The following NTM variants were observed in gnomAD, a reference collection of about 807,000 sequenced individuals.
The protein encoded by NTM is neurotrimin.
In NTM, 13 loss-of-function variants were observed where a neutral mutation model predicts 42.1. The observed-to-expected ratio is 0.31, with a 90% confidence interval of 0.20 to 0.49. The LOEUF (loss-of-function observed/expected upper bound fraction) is 0.49, where lower values mean the gene tolerates loss of function less well. Among genes scored for constraint, NTM ranks in the 20% least tolerant of loss-of-function variants. NTM has a pLI of 0.99. For missense variants in NTM, 373 were observed against 452.8 expected (o/e 0.82, Z 1.60); for synonymous variants, 187 against 179.2 (o/e 1.04, Z -0.35).
At chr11:132,168,815 G>A (rs973698366) in intron 3 of NTM, among the ~76,000 whole-genome samples, 25 of 152,082 alleles carry the variant, frequency 1.6e-4, no homozygotes, top group African/African-American at 4.8e-4. Flanking sequence ...GGAGGAGCCC[G>A]GAGTTGAGAA....
rs114091123 is a variant in NTM at position 131,966,165 on chromosome 11, G to A, written c.167+54517G>A. Among the ~76,000 whole-genome samples, 963 of 152,286 alleles carry A rather than the reference G, an allele frequency of 6.3e-3. 9 individuals carry two copies. Among genetic ancestry groups the A allele is most frequent in the African/African-American group, 0.022 (929 of 41,560 alleles). ...ATTCACTCTAGCCAGAGTCTAGTTG[G>A]AAGAAAATAGTGGGAGATGAGTTTG... On this transcript the variant is annotated intron_variant, in intron 2 of 8. Transcript: ENST00000683400.
chr11:131,547,733 C>T (rs1359912422), intron 1 of NTM, among the ~76,000 whole-genome samples: 1 of 152,160 alleles, frequency 6.6e-6, no homozygotes, highest in Non-Finnish European at 1.5e-5. Context: ...CTATACTATA[C>T]ACCCTCTCAA....
intron 1 of NTM, among the ~76,000 whole-genome samples, chr11:131,871,533 A>G (rs550433503): frequency 7.2e-5 from 11 of 152,356 alleles, no homozygotes; most frequent in African/African-American, 2.4e-4. Context: ...AACTATAGCT[A>G]TTAGCGATCA....
intron 4 of NTM, among the ~76,000 whole-genome samples, chr11:132,272,538 C>T (rs533948045): frequency 3.9e-5 from 6 of 152,228 alleles, no homozygotes; most frequent in Middle Eastern, 3.4e-3. Flanking sequence ...TTTAGATCTT[C>T]TTTAATGACA....
At position 131,873,588 on chromosome 11, in the gene NTM, GTATATATATACA is replaced by G. The variant is rs1394124344; in HGVS notation, c.83-37964_83-37953del. Among the ~76,000 whole-genome samples the G allele has an allele frequency of 5.6e-5, 2 of 35,572 alleles. 1 individual carries two copies. The highest frequency in any genetic ancestry group is 1.5e-4 in the African/African-American group (2 of 13,620). 23.3% of individuals were successfully genotyped at this position (35,572 alleles called of 152,430 possible). ...GTATATATATACATATATATATACCGTATATATATACATATATATATACCGTATATATATACA... is the reference window on the plus strand; with the variant it reads ...GTATATATATACATATATATATACCGTATATATATACCGTATATATATACA... On this transcript the variant is annotated intron_variant, in intron 1 of 8. Transcript: ENST00000683400.
At chr11:132,073,391 G>A (rs570472875) in intron 2 of NTM, among the ~76,000 whole-genome samples, 1 of 152,298 alleles carries the variant, frequency 6.6e-6, no homozygotes, top group South Asian at 2.1e-4. Flanking sequence ...ATTTGGTGGT[G>A]TAAATGTCCC....
rs117241943 is a variant in NTM at position 132,025,696 on chromosome 11, C to T, written c.167+114048C>T. On this transcript the variant is annotated intron_variant, in intron 2 of 8. Coordinates refer to ENST00000683400, the MANE Select transcript of NTM (RefSeq NM_001352005.2). ...TGGGTCCATAGCCACAGATTCAGAC[C>T]GAATTGGCCGGGGGTGTGGCCTGAG... 4.5e-3 allele frequency among the ~76,000 whole-genome samples: 689 copies of T among 152,190 alleles called. 2 individuals are homozygous for T. Among genetic ancestry groups the T allele is most frequent in the Non-Finnish European group, 7.8e-3 (528 of 68,020 alleles).
intron 1 of NTM, chr11:131,535,582 C>T (rs1029595092): frequency 3.3e-5 from 5 of 152,202 alleles, no homozygotes; most frequent in Non-Finnish European, 5.9e-5. Context: ...CTGTCCCCTC[C>T]CATTCCAGGT....
At chr11:132,266,210 C>T (rs2093173879) in intron 4 of NTM, among the ~76,000 whole-genome samples, 1 of 152,160 alleles carries the variant, frequency 6.6e-6, no homozygotes, top group African/African-American at 2.4e-5. Flanking sequence ...GGATTGATCA[C>T]TCCTGGTTGA....
At chr11:132,278,979 C>A (rs1047979050) in intron 4 of NTM, among the ~76,000 whole-genome samples, 1 of 152,152 alleles carries the variant, frequency 6.6e-6, no homozygotes, top group Non-Finnish European at 1.5e-5. Flanking sequence ...CAAATATCCA[C>A]AAGACGTCCC....
intron 1 of NTM, among the ~76,000 whole-genome samples, chr11:131,828,389 T>A (rs983400647): frequency 6.6e-6 from 1 of 151,908 alleles, no homozygotes; most frequent in Non-Finnish European, 1.5e-5. Context: ...ATCACCACCA[T>A]CACTCATCAT....
At chr11:131,487,416 C>T (rs1954293734) in intron 1 of NTM, among the ~76,000 whole-genome samples, 1 of 152,154 alleles carries the variant, frequency 6.6e-6, no homozygotes, top group African/African-American at 2.4e-5. Context: ...GAAATTATGA[C>T]TCAGATAAGC....
intron 2 of NTM, among the ~76,000 whole-genome samples, chr11:132,132,759 G>A (rs558933267): frequency 1.5e-4 from 23 of 152,146 alleles, no homozygotes; most frequent in African/African-American, 4.3e-4. Context: ...CAGGCTTGTC[G>A]CAACACAATG....
chr11:131,443,618 C>T (rs930989349), intron 1 of NTM, among the ~76,000 whole-genome samples: 2 of 152,086 alleles, frequency 1.3e-5, no homozygotes, highest in African/African-American at 2.4e-5. Flanking sequence ...ATCTCCATGC[C>T]CTGTGTTATT....
At chr11:131,764,105 CATTAAT>C (rs1304796328) in intron 1 of NTM, among the ~76,000 whole-genome samples, 2 of 151,942 alleles carry the variant, frequency 1.3e-5, no homozygotes, top group African/African-American at 2.4e-5. Context: ...TAAATAATAG[CATTAAT>C]ATTAATATTA....
intron 1 of NTM, among the ~76,000 whole-genome samples, chr11:131,843,840 T>C (rs954219312): frequency 3.3e-5 from 5 of 152,214 alleles, no homozygotes; most frequent in Admixed American, 6.5e-5. Flanking sequence ...TGCCTAGTTT[T>C]CCTACCAAGT....
At chr11:131,609,139 C>G (rs375502480) in intron 1 of NTM, among the ~76,000 whole-genome samples, 1 of 152,180 alleles carries the variant, frequency 6.6e-6, no homozygotes, top group Non-Finnish European at 1.5e-5. Context: ...CTGAGCTGGG[C>G]GAAGGCGTGG....
rs1050161524 is a variant in NTM, at chr11:132,115,499, G to A, written c.168-30783G>A. On this transcript the variant is annotated intron_variant, in intron 2 of 8. Coordinates refer to ENST00000683400, the MANE Select transcript of NTM (RefSeq NM_001352005.2). ...AAAGAAATACAATAAGATTAGGGCC[G>A]AAAACAAAGGAAAGGTAGACATAGG... is the stretch of plus-strand genomic sequence containing the variant. Among the ~76,000 whole-genome samples, 11 of 152,152 alleles carry A rather than the reference G, an allele frequency of 7.2e-5. 1 individual carries two copies. The highest frequency in any genetic ancestry group is 3.4e-3 in the Middle Eastern group (1 of 294).
intron 1 of NTM, among the ~76,000 whole-genome samples, chr11:131,615,957 C>T (rs746712338): frequency 2.6e-5 from 4 of 152,198 alleles, no homozygotes; most frequent in South Asian, 2.1e-4. Context: ...TTCCCAGAGC[C>T]GAATGTAAGA....
Sources: allele counts gnomAD v4.1 joint callset (sites outside exome capture counted in the v4.1 genomes callset), GRCh38; gene constraint gnomAD v4.1.1; transcripts MANE v1.5; gene names NCBI Gene and HGNC (gene_info 2026-07-23, HGNC 2026-07-21).